The following TMEM233 variants were observed in gnomAD, a reference collection of about 807,000 sequenced individuals.
The protein encoded by TMEM233 is transmembrane protein 233, also known as dispanin subfamily B member 2.
Under a neutral mutation model 11.2 loss-of-function variants are expected in TMEM233, and 6 were observed. The observed-to-expected ratio is 0.54, with a 90% CI of 0.29 to 1.06. TMEM233 has a LOEUF of 1.06. TMEM233 is among the 50% of genes least tolerant of loss of function. The probability of loss-of-function intolerance (pLI) is 0.08; values close to 1 mark genes in which losing one functional copy is unlikely to be tolerated. For synonymous variants in TMEM233, 59 were observed against 55.8 expected (o/e 1.06, Z -0.26); for missense variants, 127 against 144.7 (o/e 0.88, Z 0.63).
chr12:119,593,842 C>T lies in TMEM233; in HGVS notation c.-7C>T, dbSNP rs1953966157. On this transcript the variant is annotated 5_prime_UTR_variant, in exon 1 of 3. Coordinates refer to ENST00000426426, the MANE Select transcript of TMEM233 (RefSeq NM_001136534.3). The surrounding 1 kb of genome is among the most constrained non-coding windows in gnomAD (Gnocchi z 4.1). ...CCTCCGCCCTCCCGGCGCCGCCGGC[C>T]TCGCCCATGTCTCAGTACGCCCCTA... The T allele has an allele frequency of 6.5e-7, 1 of 1,550,192 alleles. No homozygotes were observed. The highest frequency in any genetic ancestry group is 2.0e-5 in the Admixed American group (1 of 50,902).
At chr12:119,604,207 T>C (rs373042923) in intron 1 of TMEM233, among the ~76,000 whole-genome samples, 1 of 152,226 alleles carries the variant, frequency 6.6e-6, no homozygotes, top group African/African-American at 2.4e-5. Flanking sequence ...AACATGGTGC[T>C]TCTCAGAAAA....
At chr12:119,611,760 G>C (rs577448772) in intron 1 of TMEM233, among the ~76,000 whole-genome samples, 4 of 152,186 alleles carry the variant, frequency 2.6e-5, no homozygotes, top group South Asian at 2.1e-4. Flanking sequence ...AACACTGGGA[G>C]GGGGTACAGA....
the TMEM233 span, among the ~76,000 whole-genome samples, chr12:119,648,361 A>G: frequency 6.6e-6 from 1 of 152,342 alleles, no homozygotes; most frequent in Admixed American, 6.5e-5. Flanking sequence ...CATCTAGACT[A>G]GGGCTTGGCC....
chr12:119,624,464 TTA>T (rs753041799), intron 1 of TMEM233, among the ~76,000 whole-genome samples: 1 of 152,138 alleles, frequency 6.6e-6, no homozygotes, highest in East Asian at 1.9e-4. Context: ...CAGTGGAATA[TTA>T]TATATATCCC....
At chr12:119,653,991 A>C in the TMEM233 span, among the ~76,000 whole-genome samples, 5 of 151,106 alleles carry the variant, frequency 3.3e-5, no homozygotes, top group East Asian at 3.9e-4. Flanking sequence ...AAAAACAAAA[A>C]CCCAATCAGG....
At chr12:119,628,722 G>A (rs1650805783) in intron 1 of TMEM233, among the ~76,000 whole-genome samples, 1 of 149,828 alleles carries the variant, frequency 6.7e-6, no homozygotes, top group South Asian at 2.1e-4. Context: ...GGATGGTCTT[G>A]ATCTCCTGAC....
chr12:119,593,984 T>C lies in TMEM233; in HGVS notation c.136T>C (p.Phe46Leu). 1 of 1,551,658 alleles carries C rather than the reference T, an allele frequency of 6.4e-7. No homozygotes were observed. The highest frequency in any genetic ancestry group is 1.2e-5 in the South Asian group (1 of 84,056). The change falls in exon 1 of 3, where the codon TTT becomes CTT. Residue 46 changes from phenylalanine (F) to leucine (L), a missense_variant. Phe to Leu is a conservative substitution (Grantham distance 22). Transcript: ENST00000426426. The surrounding 1 kb of genome is among the most constrained non-coding windows in gnomAD (Gnocchi z 4.1). ...CCTGTGGCTCACCATCGTCTCGTGT[T>C]TTTGCCCTGCGTACCCCATCAACAT... is the stretch of plus-strand genomic sequence containing the variant. The part of the protein sequence containing the change: ...NYLWLTIVSC[F>L]CPAYPINIVA...
Position 119,640,853 on chromosome 12 carries a change from C to CAACAA in TMEM233, c.*150_*151insCAAAA. 4.6e-6 allele frequency: 2 copies of CAACAA among 435,156 alleles called. No individual in the cohort carries two copies. Among genetic ancestry groups the CAACAA allele is most frequent in the Non-Finnish European group, 6.1e-6 (2 of 326,352 alleles). The allele number at this position is 435,156 out of a possible 1,614,324, so 27.0% of individuals were successfully genotyped here. On this transcript the variant is annotated 3_prime_UTR_variant, in exon 3 of 3. Coordinates refer to ENST00000426426, the MANE Select transcript of TMEM233 (RefSeq NM_001136534.3). ...CAGAGGCAGGTCCCTGGCAAATGAA[C>CAACAA]AAGAAAAAAAAAAAAAAAAAGTCCA...
At chr12:119,606,860 T>C (rs1354976908) in intron 1 of TMEM233, among the ~76,000 whole-genome samples, 5 of 152,186 alleles carry the variant, frequency 3.3e-5, no homozygotes, top group African/African-American at 7.2e-5. Flanking sequence ...GATTGCAAAA[T>C]AGGAGATTGG....
At chr12:119,613,447 G>C (rs189451320) in intron 1 of TMEM233, among the ~76,000 whole-genome samples, 3 of 152,288 alleles carry the variant, frequency 2.0e-5, no homozygotes, top group Non-Finnish European at 4.4e-5. Context: ...TGTGACTCGC[G>C]TCAAGAGCAC....
intron 2 of TMEM233, among the ~76,000 whole-genome samples, chr12:119,633,276 C>T (rs1566113099): frequency 2.0e-5 from 3 of 152,106 alleles, no homozygotes; most frequent in Admixed American, 2.0e-4. Context: ...AGATGCCTTT[C>T]CCTCTGTTAT....
At chr12:119,611,372 G>T (rs553011384) in intron 1 of TMEM233, among the ~76,000 whole-genome samples, 4 of 152,222 alleles carry the variant, frequency 2.6e-5, no homozygotes, top group Admixed American at 1.3e-4. Flanking sequence ...TATCCCAGTA[G>T]ATGCAAAGTG....
intron 2 of TMEM233, among the ~76,000 whole-genome samples, chr12:119,638,574 C>T (rs1955014113): frequency 1.3e-5 from 2 of 152,166 alleles, no homozygotes; most frequent in African/African-American, 4.8e-5. Flanking sequence ...TAGGGCTCTC[C>T]AGGTAACTCT....
chr12:119,605,879 A>G (rs1954270057), intron 1 of TMEM233, among the ~76,000 whole-genome samples: 1 of 152,210 alleles, frequency 6.6e-6, no homozygotes, highest in South Asian at 2.1e-4. Flanking sequence ...AACCATAGAC[A>G]GCCAAAAGGA....
chr12:119,601,657 C>CA (rs34870019), intron 1 of TMEM233, among the ~76,000 whole-genome samples: 1,560 of 90,416 alleles, frequency 0.017, 36 homozygotes, highest in African/African-American at 0.056. Context: ...GATTCCGCCT[C>CA]AAAAAAAAAA....
At chr12:119,644,142 G>A (rs60725710), downstream of TMEM233, among the ~76,000 whole-genome samples, 1 of 152,194 alleles carries the variant, frequency 6.6e-6, no homozygotes, top group African/African-American at 2.4e-5. Flanking sequence ...ATGGATACCA[G>A]TCATTAACAA....
chr12:119,627,808 A>G (rs1051182807), intron 1 of TMEM233, among the ~76,000 whole-genome samples: 2 of 152,152 alleles, frequency 1.3e-5, no homozygotes, highest in Non-Finnish European at 2.9e-5. Context: ...AAGGCACTCA[A>G]AGCTCCTCTC....
intron 1 of TMEM233, among the ~76,000 whole-genome samples, chr12:119,600,795 A>G (rs557914737): frequency 1.3e-5 from 2 of 152,288 alleles, no homozygotes; most frequent in South Asian, 4.1e-4. Context: ...GGAGAGGGAA[A>G]TGGGGAGTTA....
chr12:119,603,685 G>T (rs1194675796), intron 1 of TMEM233, among the ~76,000 whole-genome samples: 2 of 152,100 alleles, frequency 1.3e-5, no homozygotes, highest in Non-Finnish European at 2.9e-5. Context: ...TTTCCTCTTG[G>T]ATCATCTTTA....
Sources: gnomAD v4.1 joint callset for allele counts (sites outside exome capture counted in the v4.1 genomes callset) on GRCh38, gnomAD v4.1.1 for gene constraint, Gnocchi (gnomAD v3.1) non-coding constraint, MANE v1.5 for transcripts, NCBI Gene and HGNC (gene_info 2026-07-23, HGNC 2026-07-21) for gene names.